The following GAREM2 variants were observed in gnomAD, a reference collection of about 807,000 sequenced individuals.
GAREM2 encodes GRB2-associated and regulator of MAPK protein 2.
A neutral mutation model predicts 55.6 loss-of-function variants in GAREM2; 30 were observed. The ratio of observed to expected loss-of-function variants is 0.54; its 90% CI spans 0.40 to 0.73. The LOEUF is 0.73. Ranked by LOEUF, GAREM2 falls within the 30% of genes least tolerant of loss-of-function variation. GAREM2 has a pLI of 0.00. For missense variants in GAREM2, 1,075 were observed against 1,257.7 expected, an observed-to-expected ratio of 0.85 and a Z score of 2.20; for synonymous variants, 550 against 569.1, an observed-to-expected ratio of 0.97 and a Z score of 0.48.
chr2:26,187,117 C>T, intron 5 of GAREM2, 114 bp from the exon 6 acceptor site: 2 of 1,301,428 alleles, frequency 1.5e-6, no homozygotes, highest in Non-Finnish European at 1.9e-6. Context: ...GGCTGGGGTG[C>T]AGGCCCGTGT....
At chr2:26,175,323 T>G (rs1406329375) in intron 1 of GAREM2, among the ~76,000 whole-genome samples, 3 of 152,106 alleles carry the variant, frequency 2.0e-5, no homozygotes, top group African/African-American at 7.2e-5. Flanking sequence ...TTGCTGGGGT[T>G]GGCGCCTCCA....
chr2:26,184,219 T>G lies in GAREM2; in HGVS notation c.385-14T>G. ...GACCTGGCTAAGGCCCTGCCCTGTC[T>G]CTGGGATCCCCAGGTGGTGTCGGGC... On this transcript the variant is annotated splice_polypyrimidine_tract_variant and intron_variant, in intron 3 of 5. Coordinates refer to ENST00000401533, the MANE Select transcript of GAREM2 (RefSeq NM_001168241.2). 1.9e-6 allele frequency: 3 copies of G among 1,548,946 alleles called. No individual in the cohort carries two copies. The highest frequency in any genetic ancestry group is 1.2e-5 in the South Asian group (1 of 84,048).
Position 26,188,412 on chromosome 2 carries a change from T to G in GAREM2, c.*155T>G. On this transcript the variant is annotated 3_prime_UTR_variant, in exon 6 of 6. Transcript: ENST00000401533. ...GATCCAGGGGAGATGCATGTGGAAA[T>G]GTGGTCCTCTGGGGTCAGACCCCTG... 1 of 544,842 alleles carries G rather than the reference T, an allele frequency of 1.8e-6. No individual in the cohort carries two copies. The highest frequency in any genetic ancestry group is 3.1e-6 in the Non-Finnish European group (1 of 326,712). The allele number at this position is 544,842 out of a possible 1,614,324, so 33.8% of individuals were successfully genotyped here.
downstream of GAREM2, among the ~76,000 whole-genome samples, chr2:26,190,295 A>G (rs1669453432): frequency 1.3e-5 from 2 of 152,154 alleles, no homozygotes; most frequent in Admixed American, 1.3e-4. Context: ...GCACACACTC[A>G]GCGTGGATCC....
At chr2:26,197,603 CTG>C in the GAREM2 span, 1 of 781,362 alleles carries the variant, frequency 1.3e-6, no homozygotes, top group Non-Finnish European at 2.3e-6. Flanking sequence ...CCGTAATCCA[CTG>C]TCTCTTCTGT....
chr2:26,181,190 G>A (rs1669039807), intron 2 of GAREM2: 2 of 948,324 alleles, frequency 2.1e-6, no homozygotes, highest in Non-Finnish European at 2.5e-6. Context: ...ACAGAATAAA[G>A]CTTTACTGCT....
Position 26,184,853 on chromosome 2 carries a change from G to C in GAREM2, c.1005G>C (p.Pro335=), listed in dbSNP as rs917575464. The C allele has an allele frequency of 2.7e-6, 4 of 1,469,772 alleles. No homozygotes were observed. The African/African-American group carries it at 5.9e-5, about 22-fold the overall frequency. The allele number at this position is 1,469,772 out of a possible 1,614,324, so 91.0% of individuals were successfully genotyped here. A position where few individuals can be genotyped will look rare whatever the true frequency, so the allele number is the denominator to read the frequency against. The change falls in exon 4 of 6, where the codon CCG becomes CCC. Residue 335 remains proline (P), a synonymous_variant. Coordinates refer to ENST00000401533, the MANE Select transcript of GAREM2 (RefSeq NM_001168241.2). ...ALPQGLLAGD[P]RVERLVRDSA... ...CGCAGGGCCTGCTGGCCGGGGACCC[G>C]CGCGTCGAGCGCCTGGTGCGCGACA...
chr2:26,194,263 C>T (rs1465476708), downstream of GAREM2, among the ~76,000 whole-genome samples: 1 of 152,150 alleles, frequency 6.6e-6, no homozygotes, highest in Non-Finnish European at 1.5e-5. Context: ...CAAGCGGGCC[C>T]TGTTCTGGAT....
Position 26,185,174 on chromosome 2 carries a change from C to G in GAREM2, c.1326C>G (p.Val442=). The G allele has an allele frequency of 6.6e-7, 1 of 1,508,166 alleles. No homozygotes were observed. The highest frequency in any genetic ancestry group is 1.2e-5 in the South Asian group (1 of 82,054). The allele number at this position is 1,508,166 out of a possible 1,614,324, so 93.4% of individuals were successfully genotyped here. A position where few individuals can be genotyped will look rare whatever the true frequency, so the allele number is the denominator to read the frequency against. ...LWAHQGPEGL[V]RPPPGLDLIS... ...CGCACCAGGGGCCCGAGGGCCTCGTCCGGCCGCCCCCAGGGCTCGATCTCA... is the reference window on the plus strand; with the variant it reads ...CGCACCAGGGGCCCGAGGGCCTCGTGCGGCCGCCCCCAGGGCTCGATCTCA... Residue 442 remains valine (V), a synonymous_variant, in exon 4 of 6, where the codon GTC becomes GTG. Transcript: ENST00000401533.
the GAREM2 span, among the ~76,000 whole-genome samples, chr2:26,196,390 C>G: frequency 6.6e-6 from 1 of 152,158 alleles, no homozygotes; most frequent in Non-Finnish European, 1.5e-5. Context: ...AGGAATTAGC[C>G]TTTATTGATG....
At chr2:26,175,641 G>A (rs558543661) in intron 1 of GAREM2, among the ~76,000 whole-genome samples, 1 of 152,240 alleles carries the variant, frequency 6.6e-6, no homozygotes, top group East Asian at 1.9e-4. Flanking sequence ...CTCCTTCGAG[G>A]TCCCCTGAAC....
Position 26,185,149 on chromosome 2 carries a change from C to A in GAREM2, c.1301C>A (p.Ala434Glu). 6.7e-7 allele frequency: 1 copy of A among 1,499,990 alleles called. No homozygotes were observed. The highest frequency in any genetic ancestry group is 8.8e-7 in the Non-Finnish European group (1 of 1,132,166). 92.9% of individuals were successfully genotyped at this position (1,499,990 alleles called of 1,614,324 possible). A position where few individuals can be genotyped will look rare whatever the true frequency, so the allele number is the denominator to read the frequency against. The change falls in exon 4 of 6, where the codon GCG becomes GAG. Residue 434 changes from alanine to glutamate, a missense_variant. Physicochemically the swap from Ala to Glu is moderately radical, Grantham distance 107. This residue lies in a region of GAREM2 where 515 missense variants were observed against 501.5 expected (regional missense o/e 1.03). Coordinates refer to ENST00000401533, the MANE Select transcript of GAREM2 (RefSeq NM_001168241.2). ...PAEIPYEELWAHQGPEGLVRP... is the reference protein window; with the variant it reads ...PAEIPYEELWEHQGPEGLVRP... ...GAGATCCCCTACGAGGAGTTGTGGG[C>A]GCACCAGGGGCCCGAGGGCCTCGTC...
chr2:26,174,184 T>C (rs1380059395), intron 1 of GAREM2, among the ~76,000 whole-genome samples: 2 of 152,144 alleles, frequency 1.3e-5, no homozygotes, highest in African/African-American at 4.8e-5. Context: ...GGCCGCAGGC[T>C]CCTCGTCTCC....
intron 2 of GAREM2, chr2:26,182,255 A>G: frequency 7.0e-7 from 1 of 1,424,346 alleles, no homozygotes; most frequent in Non-Finnish European, 9.2e-7. Context: ...TTGGCAAAGC[A>G]CGCAGCCCCA....
At chr2:26,176,189 G>A (rs1404525056) in intron 1 of GAREM2, among the ~76,000 whole-genome samples, 155 bp from the exon 2 acceptor site, 1 of 152,210 alleles carries the variant, frequency 6.6e-6, no homozygotes, top group African/African-American at 2.4e-5. Context: ...CTGGCAGCCC[G>A]CCTGTCCCTT....
chr2:26,187,815 C>T lies in GAREM2; in HGVS notation c.2183C>T (p.Pro728Leu). The T allele has an allele frequency of 4.2e-6, 6 of 1,442,114 alleles. No homozygotes were observed. Among genetic ancestry groups the T allele is most frequent in the Non-Finnish European group, 5.5e-6 (6 of 1,092,814 alleles). 89.3% of individuals were successfully genotyped at this position (1,442,114 alleles called of 1,614,324 possible). Residue 728 changes from proline to leucine, a missense_variant, in exon 6 of 6, where the codon CCT becomes CTT. Transcript: ENST00000401533. The stretch of plus-strand genomic sequence containing the variant: ...CAGGAGCCCAGAGCAGTGGGGACAC[C>T]TGGGCCTGGACCCCGCCTTTCACCA... ...RSQEPRAVGT[P>L]GPGPRLSPLG...
At chr2:26,178,312 A>G (rs1270758811) in intron 2 of GAREM2, among the ~76,000 whole-genome samples, 1 of 152,078 alleles carries the variant, frequency 6.6e-6, no homozygotes, top group Non-Finnish European at 1.5e-5. Flanking sequence ...CTTATATGTA[A>G]TCCTAGTGCT....
downstream of GAREM2, among the ~76,000 whole-genome samples, chr2:26,194,048 T>G (rs1389717320): frequency 6.6e-6 from 1 of 152,150 alleles, no homozygotes; most frequent in Non-Finnish European, 1.5e-5. Flanking sequence ...TGAATCTCAA[T>G]AATAAGGAGA....
At chr2:26,183,197 G>A in intron 3 of GAREM2, 100 bp downstream of exon 3, 4 of 1,368,268 alleles carry the variant, frequency 2.9e-6, no homozygotes, top group Non-Finnish European at 4.0e-6. Context: ...ATCCAAGAAG[G>A]AGAGCGGCTC....
Sources: allele counts gnomAD v4.1 joint callset (sites outside exome capture counted in the v4.1 genomes callset), GRCh38; gene constraint gnomAD v4.1.1; regional missense constraint gnomAD v4.1.1; transcripts MANE v1.5; gene names NCBI Gene and HGNC (gene_info 2026-07-23, HGNC 2026-07-21).